Variants in CTNNA2 observed in about 807,000 individuals in gnomAD.
The protein encoded by CTNNA2 is catenin alpha-2.
A neutral mutation model predicts 101.0 loss-of-function variants in CTNNA2; 42 were observed. That is an observed-to-expected ratio of 0.42 (90% CI 0.32 to 0.54). The LOEUF (loss-of-function observed/expected upper bound fraction) is 0.54. CTNNA2 is among the 20% of genes least tolerant of loss of function. The pLI is 0.14. For missense variants in CTNNA2, 871 were observed against 1,223.1 expected (o/e 0.71, Z 4.29); for synonymous variants, 450 against 456.4 (o/e 0.99, Z 0.18).
chr2:79,879,544 A>G (rs1250532653), intron 6 of CTNNA2, among the ~76,000 whole-genome samples: 2 of 152,024 alleles, frequency 1.3e-5, no homozygotes, highest in Non-Finnish European at 2.9e-5. Flanking sequence ...CATCCTTGTT[A>G]GCTGTATTCC....
intron 9 of CTNNA2, among the ~76,000 whole-genome samples, chr2:80,541,757 C>G (rs1283757952): frequency 2.0e-5 from 3 of 151,822 alleles, no homozygotes; most frequent in Non-Finnish European, 4.4e-5. Context: ...CCTCTACTGT[C>G]TGCAAGTCTC....
At chr2:80,344,908 T>C (rs1328225032) in intron 7 of CTNNA2, among the ~76,000 whole-genome samples, 1 of 152,194 alleles carries the variant, frequency 6.6e-6, no homozygotes, top group East Asian at 1.9e-4. Context: ...TCATATTCCA[T>C]GTCTAATCTA....
chr2:80,394,962 G>A (rs1020060890), intron 8 of CTNNA2, among the ~76,000 whole-genome samples: 2 of 138,598 alleles, frequency 1.4e-5, no homozygotes, highest in African/African-American at 3.4e-5. Context: ...CTTGGTCTCA[G>A]TAGTGATTAC....
At chr2:80,031,937 G>A (rs551399309) in intron 7 of CTNNA2, among the ~76,000 whole-genome samples, 203 of 152,286 alleles carry the variant, frequency 1.3e-3, no homozygotes, top group Non-Finnish European at 2.1e-3. Context: ...AAAAAAAGAC[G>A]AAATTTGTTT....
intron 2 of CTNNA2, among the ~76,000 whole-genome samples, chr2:79,210,556 T>C (rs993402555): frequency 3.3e-5 from 5 of 152,172 alleles, no homozygotes; most frequent in Non-Finnish European, 7.3e-5. Flanking sequence ...TTCAGGCTTA[T>C]AAATTGAGTC....
At chr2:79,420,903 G>A (rs528030752) in intron 4 of CTNNA2, among the ~76,000 whole-genome samples, 1 of 152,132 alleles carries the variant, frequency 6.6e-6, no homozygotes, top group Non-Finnish European at 1.5e-5. Flanking sequence ...AAATCTGGGG[G>A]CAGAAGTGGT....
chr2:80,277,786 T>G (rs896605956), intron 7 of CTNNA2, among the ~76,000 whole-genome samples: 7 of 152,160 alleles, frequency 4.6e-5, no homozygotes, highest in African/African-American at 1.7e-4. Flanking sequence ...TCACTCCTTC[T>G]GCTAGAAGGT....
intron 17 of CTNNA2, chr2:80,613,056 G>C (rs1306768315): frequency 8.2e-6 from 1 of 121,628 alleles, no homozygotes; most frequent in Non-Finnish European, 1.7e-5. Context: ...GCATAGTGGA[G>C]AAATTGTGAC....
chr2:79,860,512 TGCAATC>T (rs1681512675), intron 4 of CTNNA2, among the ~76,000 whole-genome samples: 1 of 149,346 alleles, frequency 6.7e-6, no homozygotes, highest in African/African-American at 2.5e-5. Flanking sequence ...GGGAGTCAAT[TGCAATC>T]TCTTCTCCAC....
At chr2:79,387,399 T>C (rs922046763) in intron 4 of CTNNA2, among the ~76,000 whole-genome samples, 10 of 152,246 alleles carry the variant, frequency 6.6e-5, no homozygotes, top group African/African-American at 2.2e-4. Flanking sequence ...TTTTCCATTC[T>C]GAACTTGCTT....
At chr2:79,922,096 AG>A (rs1223778635) in intron 7 of CTNNA2, among the ~76,000 whole-genome samples, 1 of 152,220 alleles carries the variant, frequency 6.6e-6, no homozygotes, top group Non-Finnish European at 1.5e-5. Flanking sequence ...ATTCAGAGAC[AG>A]GTATCATACA....
intron 9 of CTNNA2, among the ~76,000 whole-genome samples, chr2:80,510,555 G>A (rs1386341900): frequency 6.6e-6 from 1 of 152,032 alleles, no homozygotes; most frequent in African/African-American, 2.4e-5. Flanking sequence ...ACATGCCAAT[G>A]GTTTCCTGGG....
In CTNNA2 at chr2:79,353,564, G is replaced by T. The variant is rs546867282; in HGVS notation, c.-317-20267G>T. Among the ~76,000 whole-genome samples, 27 of 152,240 alleles carry T rather than the reference G, an allele frequency of 1.8e-4. No homozygotes were observed. The South Asian group carries it at 5.0e-3, about 28-fold the overall frequency. ...TTACTTTGAGCCTGTGAGTGTCATT[G>T]CATGTGGAATGGGTTTCTTGAAGAC... On this transcript the variant is annotated intron_variant, in intron 3 of 21. Coordinates refer to the CTNNA2 transcript ENST00000466387.
intron 7 of CTNNA2, among the ~76,000 whole-genome samples, chr2:80,089,062 A>G (rs1204081663): frequency 6.6e-6 from 1 of 151,954 alleles, no homozygotes; most frequent in African/African-American, 2.4e-5. Flanking sequence ...TCATGCGTGG[A>G]AGACCTATTA....
At chr2:79,385,374 C>T (rs1678086352) in intron 4 of CTNNA2, among the ~76,000 whole-genome samples, 1 of 152,134 alleles carries the variant, frequency 6.6e-6, no homozygotes, top group Admixed American at 6.5e-5. Flanking sequence ...GCCTATATTC[C>T]AGCAACAGTA....
intron 2 of CTNNA2, among the ~76,000 whole-genome samples, chr2:79,675,867 A>C (rs1167051962): frequency 6.6e-6 from 1 of 152,214 alleles, no homozygotes; most frequent in East Asian, 1.9e-4. Context: ...TTTAACTTCT[A>C]TTTTAAGCCC....
intron 7 of CTNNA2, among the ~76,000 whole-genome samples, chr2:80,222,145 G>A (rs1708610571): frequency 6.6e-6 from 1 of 152,084 alleles, no homozygotes; most frequent in South Asian, 2.1e-4. Context: ...GAGTCAGGAT[G>A]AAAAGCACTG....
At chr2:79,772,803 G>C (rs1023194203) in intron 3 of CTNNA2, among the ~76,000 whole-genome samples, 1 of 152,130 alleles carries the variant, frequency 6.6e-6, no homozygotes, top group Non-Finnish European at 1.5e-5. Context: ...GGTCTCAAGT[G>C]ATTTTCCCAC....
chr2:80,368,372 C>T (rs935477125), intron 7 of CTNNA2, among the ~76,000 whole-genome samples: 1 of 152,120 alleles, frequency 6.6e-6, no homozygotes, highest in African/African-American at 2.4e-5. Flanking sequence ...TAATAGGGTG[C>T]ATGTAGAGGA....
Sources: allele counts gnomAD v4.1 joint callset (sites outside exome capture counted in the v4.1 genomes callset), GRCh38; gene constraint gnomAD v4.1.1; transcripts MANE v1.5; gene names NCBI Gene and HGNC (gene_info 2026-07-23, HGNC 2026-07-21).